The following CNTNAP2 variants were observed in gnomAD, a reference collection of about 807,000 sequenced individuals.
CNTNAP2 encodes the protein contactin associated protein 2.
CNTNAP2 carries 98 observed loss-of-function variants against 155.2 expected under a neutral mutation model. The ratio of observed to expected loss-of-function variants is 0.63; its 90% CI spans 0.54 to 0.75. CNTNAP2 has a LOEUF of 0.75. CNTNAP2 is among the 30% of genes least tolerant of loss of function. The pLI, the probability that CNTNAP2 is intolerant of heterozygous loss-of-function variation, is 0.00. For missense variants in CNTNAP2, 1,727 were observed against 1,688.1 expected, an observed-to-expected ratio of 1.02 and a Z score of -0.40; for synonymous variants, 651 against 631.2, an observed-to-expected ratio of 1.03 and a Z score of -0.47.
At chr7:147,572,495 T>C (rs1454434481) in intron 12 of CNTNAP2, among the ~76,000 whole-genome samples, 2 of 152,190 alleles carry the variant, frequency 1.3e-5, no homozygotes, top group African/African-American at 4.8e-5. Flanking sequence ...AATGTTTTCA[T>C]GTAACCTGAC....
chr7:146,178,425 T>A (rs1798502726), intron 1 of CNTNAP2, among the ~76,000 whole-genome samples: 1 of 152,218 alleles, frequency 6.6e-6, no homozygotes, highest in Admixed American at 6.5e-5. Flanking sequence ...ATACATCAGA[T>A]TTATCGAACA....
chr7:146,548,846 A>G, intron 1 of CNTNAP2, among the ~76,000 whole-genome samples: 1 of 141,636 alleles, frequency 7.1e-6, no homozygotes, highest in African/African-American at 2.6e-5. Context: ...TGCTGTACAG[A>G]AGCTTTTTAG....
At chr7:146,172,440 G>A (rs182297429) in intron 1 of CNTNAP2, among the ~76,000 whole-genome samples, 20 of 152,064 alleles carry the variant, frequency 1.3e-4, no homozygotes, top group South Asian at 4.2e-4. Flanking sequence ...CATACACTGC[G>A]CAGCCACCTT....
chr7:146,768,207 C>T (rs1012395426), intron 1 of CNTNAP2, among the ~76,000 whole-genome samples: 2 of 151,860 alleles, frequency 1.3e-5, no homozygotes, highest in African/African-American at 2.4e-5. Flanking sequence ...TTGCCTTCTG[C>T]TTCCCATCCT....
intron 1 of CNTNAP2, among the ~76,000 whole-genome samples, chr7:146,328,670 T>C (rs1801134618): frequency 6.6e-6 from 1 of 152,188 alleles, no homozygotes; most frequent in Non-Finnish European, 1.5e-5. Flanking sequence ...GTTTGTACTC[T>C]TTGACCAGTA....
intron 1 of CNTNAP2, among the ~76,000 whole-genome samples, chr7:146,463,001 T>G (rs918701274): frequency 4.6e-5 from 7 of 152,086 alleles, no homozygotes; most frequent in African/African-American, 1.7e-4. Flanking sequence ...ACCTTCCCCC[T>G]TGCAGGTGAG....
chr7:147,145,960 CT>C (rs1290539067), intron 8 of CNTNAP2, among the ~76,000 whole-genome samples: 4 of 152,160 alleles, frequency 2.6e-5, no homozygotes, highest in Non-Finnish European at 4.4e-5. Context: ...AAATATTTGA[CT>C]CTCTAGTACA....
intron 13 of CNTNAP2, among the ~76,000 whole-genome samples, chr7:147,781,315 C>A (rs1050084031): frequency 6.6e-6 from 1 of 152,124 alleles, no homozygotes; most frequent in South Asian, 2.1e-4. Context: ...GAACTGGGCT[C>A]AAGTCTCAGA....
At chr7:146,471,052 A>C (rs985868250) in intron 1 of CNTNAP2, among the ~76,000 whole-genome samples, 1 of 152,216 alleles carries the variant, frequency 6.6e-6, no homozygotes, top group African/African-American at 2.4e-5. Context: ...AAAAAATACA[A>C]TATTCACAGA....
Position 148,332,165 on chromosome 7 carries a change from CAAA to C in CNTNAP2, c.3476-51470_3476-51468del, listed in dbSNP as rs200974074. Among the ~76,000 whole-genome samples the C allele has an allele frequency of 8.7e-3, 1,046 of 120,656 alleles. 5 individuals carry two copies. Among genetic ancestry groups the C allele is most frequent in the Middle Eastern group, 0.032 (7 of 222 alleles). The allele number at this position is 120,656 out of a possible 152,430, so 79.2% of individuals were successfully genotyped here. Reference sequence around the variant, plus strand: ...GTAAAATCATGACAAACTGAGCGGACAAAAAAAAAAAAAAAACCTATAAACATT... The same window carrying C: ...GTAAAATCATGACAAACTGAGCGGACAAAAAAAAAAAAACCTATAAACATT... On this transcript the variant is annotated intron_variant, in intron 21 of 23. Coordinates refer to ENST00000361727, the MANE Select transcript of CNTNAP2 (RefSeq NM_014141.6).
chr7:147,568,746 G>T (rs1394343708), intron 12 of CNTNAP2, among the ~76,000 whole-genome samples: 1 of 151,996 alleles, frequency 6.6e-6, no homozygotes, highest in Non-Finnish European at 1.5e-5. Flanking sequence ...GGTGTTACCA[G>T]CATCCTCTCC....
At chr7:148,283,442 T>G (rs1797025755) in intron 21 of CNTNAP2, among the ~76,000 whole-genome samples, 1 of 152,332 alleles carries the variant, frequency 6.6e-6, no homozygotes, top group East Asian at 1.9e-4. Context: ...TATTTACAAA[T>G]TCACCTACTC....
chr7:147,230,566 A>G (rs188417406), intron 8 of CNTNAP2, among the ~76,000 whole-genome samples: 40 of 152,310 alleles, frequency 2.6e-4, no homozygotes, highest in African/African-American at 8.4e-4. Context: ...TTTAATTGAC[A>G]TAACGATTAT....
chr7:147,324,180 A>G (rs1393730654), intron 9 of CNTNAP2, among the ~76,000 whole-genome samples: 1 of 152,190 alleles, frequency 6.6e-6, no homozygotes, highest in Non-Finnish European at 1.5e-5. Flanking sequence ...GTGAACAACT[A>G]GATCACAAGG....
Position 146,352,771 on chromosome 7 carries a change from T to C in CNTNAP2, c.97+235798T>C, listed in dbSNP as rs867516441. ...TTCTGTTTTTTTTTTTTTTTTTTTT[T>C]CGAGACAGAGTCTCTCTCTGTCGCC... On this transcript the variant is annotated intron_variant, in intron 1 of 23. Coordinates refer to ENST00000361727, the MANE Select transcript of CNTNAP2 (RefSeq NM_014141.6). 4.2e-5 allele frequency among the ~76,000 whole-genome samples: 6 copies of C among 142,658 alleles called. No homozygotes were observed. The South Asian group carries it at 1.4e-3, about 32-fold the overall frequency. 93.6% of individuals were successfully genotyped at this position (142,658 alleles called of 152,430 possible).
intron 9 of CNTNAP2, chr7:147,378,179 T>C (rs1796472114): frequency 3.3e-6 from 1 of 302,628 alleles, no homozygotes; most frequent in Non-Finnish European, 6.5e-6. Context: ...TTTTTAAATT[T>C]CTGAATGACA....
In CNTNAP2 at chr7:147,600,583, G is replaced by A. The variant is rs144207613; in HGVS notation, c.1897+38326G>A. Among the ~76,000 whole-genome samples the A allele has an allele frequency of 1.5e-4, 23 of 152,266 alleles. No homozygotes were observed. The East Asian group carries it at 2.1e-3, about 14-fold the overall frequency. On this transcript the variant is annotated intron_variant, in intron 12 of 23. Transcript: ENST00000361727. ...GAAAAGCATTCTTAGCTGGAAGACTGGGCCAAGAAGAGGTGGGCCAGAATT... is the reference window on the plus strand; with the variant it reads ...GAAAAGCATTCTTAGCTGGAAGACTAGGCCAAGAAGAGGTGGGCCAGAATT...
At chr7:148,103,488 A>G (rs1215287035) in intron 15 of CNTNAP2, among the ~76,000 whole-genome samples, 1 of 152,180 alleles carries the variant, frequency 6.6e-6, no homozygotes, top group South Asian at 2.1e-4. Context: ...CATTATATTT[A>G]TTTTAATTAT....
intron 2 of CNTNAP2, among the ~76,000 whole-genome samples, chr7:146,821,480 T>C (rs1363141609): frequency 6.6e-6 from 1 of 152,136 alleles, no homozygotes; most frequent in African/African-American, 2.4e-5. Flanking sequence ...TTTAAGAATG[T>C]TGAATGTTGG....
Sources: gnomAD v4.1 joint callset for allele counts (sites outside exome capture counted in the v4.1 genomes callset) on GRCh38, gnomAD v4.1.1 for gene constraint, MANE v1.5 for transcripts, NCBI Gene and HGNC (gene_info 2026-07-23, HGNC 2026-07-21) for gene names.